Variants in CCDC152 observed in about 807,000 individuals in gnomAD.
The protein encoded by CCDC152 is coiled-coil domain containing 152, also known as coiled-coil domain-containing protein 152.
In CCDC152, 37 loss-of-function variants were observed where a neutral mutation model predicts 38.1. The ratio of observed to expected loss-of-function variants is 0.97; its 90% CI spans 0.75 to 1.28. CCDC152 has a LOEUF of 1.28. Among genes scored for constraint, CCDC152 ranks in the 50% most tolerant of loss-of-function variants. The probability of loss-of-function intolerance (pLI) is 0.00; values close to 1 mark genes in which losing one functional copy is unlikely to be tolerated. For synonymous variants in CCDC152, 83 were observed against 87.1 expected, an observed-to-expected ratio of 0.95 and a Z score of 0.26; for missense variants, 259 against 292.1, an observed-to-expected ratio of 0.89 and a Z score of 0.83.
Position 42,801,007 on chromosome 5 carries a change from A to G in CCDC152, c.*1226A>G, listed in dbSNP as rs1561282549. ...AACTCTGAATCTGTGGGCAATTTAC[A>G]GAGTAATTGATTTATACATCTCTTT... On this transcript the variant is annotated 3_prime_UTR_variant, in exon 9 of 9. Coordinates refer to ENST00000361970, the MANE Select transcript of CCDC152 (RefSeq NM_001134848.2). 6.2e-7 allele frequency: 1 copy of G among 1,614,204 alleles called. No homozygotes were observed. Among genetic ancestry groups the G allele is most frequent in the South Asian group, 1.1e-5 (1 of 91,076 alleles).
rs889790827 is a variant in CCDC152, at chr5:42,802,037, C to T, written c.*2256C>T. On this transcript the variant is annotated 3_prime_UTR_variant, in exon 9 of 9. Transcript: ENST00000361970. ...TAATCTAATATTATCTCTGATAATT[C>T]AAAAATGCTAATAAACTCTGCTCAA... 2.6e-5 allele frequency: 4 copies of T among 152,180 alleles called. No homozygotes were observed. The highest frequency in any genetic ancestry group is 9.7e-5 in the African/African-American group (4 of 41,434). 9.4% of individuals were successfully genotyped at this position (152,180 alleles called of 1,614,324 possible).
chr5:42,777,041 A>T (rs1561275572), intron 4 of CCDC152, among the ~76,000 whole-genome samples: 1 of 152,072 alleles, frequency 6.6e-6, no homozygotes, highest in Non-Finnish European at 1.5e-5. Flanking sequence ...AAGTAAAAAA[A>T]AGAAATAACA....
At chr5:42,772,414 T>A (rs1353372108) in intron 4 of CCDC152, among the ~76,000 whole-genome samples, 1 of 152,148 alleles carries the variant, frequency 6.6e-6, no homozygotes, top group Non-Finnish European at 1.5e-5. Context: ...AAATAGCCTT[T>A]CTTGGCCGGG....
chr5:42,760,587 A>AC (rs1346589720), intron 2 of CCDC152, among the ~76,000 whole-genome samples: 5 of 152,174 alleles, frequency 3.3e-5, no homozygotes, highest in Non-Finnish European at 7.3e-5. Context: ...TAGGTGGTTA[A>AC]ATGAAAGAAT....
At chr5:42,767,087 T>G (rs1202344811) in intron 3 of CCDC152, among the ~76,000 whole-genome samples, 2 of 152,088 alleles carry the variant, frequency 1.3e-5, no homozygotes, top group Non-Finnish European at 2.9e-5. Context: ...TTTTATTTGT[T>G]CTAAATCTAA....
chr5:42,762,731 T>A (rs1323752485), intron 3 of CCDC152, among the ~76,000 whole-genome samples, 183 bp downstream of exon 3: 4 of 152,208 alleles, frequency 2.6e-5, no homozygotes, highest in African/African-American at 9.6e-5. Context: ...ATTATTACTC[T>A]ACCTCACCAA....
In CCDC152 at chr5:42,762,533, G is replaced by GTC; in HGVS notation, c.181_182dup (p.Ile62ProfsTer12). On this transcript the variant is annotated frameshift_variant, in exon 3 of 9. Transcript: ENST00000361970. LOFTEE classifies it high-confidence loss of function. ...ATTAAAAGTAATGCAAGCAAAGGAG[G>GTC]TCTCCATTAAAGAAGGTTAGTTATT... is the stretch of plus-strand genomic sequence containing the variant. 2 of 1,521,504 alleles carry GTC rather than the reference G, an allele frequency of 1.3e-6. No individual in the cohort carries two copies. Among genetic ancestry groups the GTC allele is most frequent in the Non-Finnish European group, 1.8e-6 (2 of 1,120,050 alleles). 94.3% of individuals were successfully genotyped at this position (1,521,504 alleles called of 1,614,324 possible).
rs756131447 is a variant in CCDC152, at chr5:42,801,085, G to A, written c.*1304G>A. ...AAATCTTCACTTGCTGGCATATCTC[G>A]GTTCTCTGGGTGACCCTGCCTATGC... On this transcript the variant is annotated 3_prime_UTR_variant, in exon 9 of 9. Transcript: ENST00000361970. The A allele has an allele frequency of 5.6e-6, 9 of 1,613,962 alleles. No individual in the cohort carries two copies. Among genetic ancestry groups the A allele is most frequent in the Middle Eastern group, 1.6e-4 (1 of 6,084 alleles).
At chr5:42,790,430 C>CT (rs776707232) in intron 6 of CCDC152, among the ~76,000 whole-genome samples, 2 of 152,180 alleles carry the variant, frequency 1.3e-5, no homozygotes. Flanking sequence ...AACTGGAACT[C>CT]TGAAACATTA....
intron 5 of CCDC152, among the ~76,000 whole-genome samples, chr5:42,781,951 G>A (rs1326043755): frequency 6.6e-6 from 1 of 152,086 alleles, no homozygotes; most frequent in Non-Finnish European, 1.5e-5. Context: ...CCCCGGTAAA[G>A]TTGTAAAATT....
intron 6 of CCDC152, among the ~76,000 whole-genome samples, chr5:42,793,278 T>C (rs1486957109): frequency 1.3e-5 from 2 of 152,200 alleles, no homozygotes; most frequent in African/African-American, 4.8e-5. Flanking sequence ...TTTGCCAGTA[T>C]TTGAGCAAAA....
At chr5:42,760,221 C>G (rs1409631959) in intron 2 of CCDC152, among the ~76,000 whole-genome samples, 1 of 150,466 alleles carries the variant, frequency 6.6e-6, no homozygotes, top group Non-Finnish European at 1.5e-5. Context: ...GGAGAATAGC[C>G]TAAACCCGGG....
intron 6 of CCDC152, among the ~76,000 whole-genome samples, chr5:42,792,113 G>C (rs190510737): frequency 8.2e-4 from 125 of 152,198 alleles, no homozygotes; most frequent in African/African-American, 3.0e-3. Context: ...GAAATCTTTA[G>C]AGCTAGCATC....
At chr5:42,774,164 A>G (rs1047158800) in intron 4 of CCDC152, among the ~76,000 whole-genome samples, 3 of 152,222 alleles carry the variant, frequency 2.0e-5, no homozygotes, top group Non-Finnish European at 4.4e-5. Context: ...ACAACTTAAC[A>G]AGAGCAGAAA....
chr5:42,779,217 T>TG (rs1205571852), intron 4 of CCDC152, among the ~76,000 whole-genome samples: 1 of 152,156 alleles, frequency 6.6e-6, no homozygotes, highest in Non-Finnish European at 1.5e-5. Context: ...TAAAGAGCAA[T>TG]TATCATAGCA....
chr5:42,788,450 C>T (rs1759952897), intron 6 of CCDC152, among the ~76,000 whole-genome samples: 1 of 152,018 alleles, frequency 6.6e-6, no homozygotes, highest in South Asian at 2.1e-4. Context: ...CCAGAAGAGA[C>T]TGAGGTCCTC....
At chr5:42,763,688 C>A (rs146599256) in intron 3 of CCDC152, among the ~76,000 whole-genome samples, 91 of 152,288 alleles carry the variant, frequency 6.0e-4, no homozygotes, top group African/African-American at 2.1e-3. Context: ...CAGAAAAATT[C>A]TCATAGACAT....
chr5:42,763,278 A>G (rs1416960537), intron 3 of CCDC152, among the ~76,000 whole-genome samples: 1 of 152,258 alleles, frequency 6.6e-6, no homozygotes, highest in Non-Finnish European at 1.5e-5. Context: ...AGCCCAAAGT[A>G]TAAAATAAAC....
intron 6 of CCDC152, among the ~76,000 whole-genome samples, chr5:42,789,879 GA>G (rs1299717918): frequency 6.6e-6 from 1 of 152,134 alleles, no homozygotes; most frequent in Non-Finnish European, 1.5e-5. Flanking sequence ...AAAATTACCA[GA>G]AGAAAGCATA....
Sources: gnomAD v4.1 joint callset for allele counts (sites outside exome capture counted in the v4.1 genomes callset) on GRCh38, gnomAD v4.1.1 for gene constraint, MANE v1.5 for transcripts, NCBI Gene and HGNC (gene_info 2026-07-23, HGNC 2026-07-21) for gene names.